The following ZXDA variants were observed in gnomAD, a reference collection of about 807,000 sequenced individuals.
ZXDA encodes zinc finger X-linked protein ZXDA.
In ZXDA, 5 loss-of-function variants were observed where a neutral mutation model predicts 10.1. The observed-to-expected ratio is 0.50, with a 90% CI of 0.26 to 1.04. The LOEUF (loss-of-function observed/expected upper bound fraction) is 1.04. ZXDA is among the 50% of genes least tolerant of loss of function. ZXDA has a pLI of 0.14. For missense variants in ZXDA, 501 were observed against 672.4 expected (o/e 0.75, Z 2.82); for synonymous variants, 266 against 313.1 (o/e 0.85, Z 1.59).
In ZXDA at chrX:57,909,671, G is replaced by A; in HGVS notation, c.750C>T (p.Ala250=). ...APQEEAEGLA[A]ALGPRGLLGS... is the part of the protein sequence containing the mutation. Reference sequence around the variant, plus strand: ...CCAGCAGTCCGCGGGGGCCCAGGGCGGCGGCCAGGCCCTCCGCCTCCTCCT... The same window carrying A: ...CCAGCAGTCCGCGGGGGCCCAGGGCAGCGGCCAGGCCCTCCGCCTCCTCCT... The change falls in exon 1 of 1, where the codon GCC becomes GCT. Residue 250 remains alanine, a synonymous_variant. Coordinates refer to ENST00000358697, the MANE Select transcript of ZXDA (RefSeq NM_007156.5). 1.7e-6 allele frequency: 2 copies of A among 1,180,029 alleles called. No individual in the cohort carries two copies. Among genetic ancestry groups the A allele is most frequent in the South Asian group, 1.9e-5 (1 of 53,761 alleles).
In ZXDA at chrX:57,909,853, C is replaced by T; in HGVS notation, c.568G>A (p.Ala190Thr). Reference sequence around the variant, plus strand: ...GCAGGAGCGGCCCCTGGCTCCCAGGCGTGTGGTGGGGGCGTGGCCAGGGTG... The same window carrying T: ...GCAGGAGCGGCCCCTGGCTCCCAGGTGTGTGGTGGGGGCGTGGCCAGGGTG... ...VLTLATPPPH[A>T]WEPGAAPAQQ... Residue 190 changes from alanine to threonine, a missense_variant, in exon 1 of 1, where the codon GCC becomes ACC. By Grantham distance (58) the Ala-to-Thr change is moderately conservative (BLOSUM62 0). Around this residue, in one of 5 missense-constraint regions of ZXDA, gnomAD observed 251 missense variants for 221.6 expected, o/e 1.13. Coordinates refer to ENST00000358697, the MANE Select transcript of ZXDA (RefSeq NM_007156.5). 1 of 1,200,631 alleles carries T rather than the reference C, an allele frequency of 8.3e-7. No individual in the cohort carries two copies. The highest frequency in any genetic ancestry group is 1.1e-6 in the Non-Finnish European group (1 of 891,743).
chrX:57,910,236 G>T lies in ZXDA; in HGVS notation c.185C>A (p.Ala62Asp). ...GCCAGGGCCCCGTGATGCCGTGCTG[G>T]CCTCCTCGCGCCGCCGCCCGGGCCC... ...DGGPGRRREE[A>D]STASRGPGPS... is the part of the protein sequence containing the mutation. Residue 62 changes from alanine (A) to aspartate (D), a missense_variant, in exon 1 of 1, where the codon GCC (alanine) becomes GAC (aspartate). This residue lies in a region of ZXDA where 251 missense variants were observed against 221.6 expected (regional missense o/e 1.13). Coordinates refer to ENST00000358697, the MANE Select transcript of ZXDA (RefSeq NM_007156.5). 1.7e-6 allele frequency: 2 copies of T among 1,146,401 alleles called. No individual in the cohort carries two copies. The highest frequency in any genetic ancestry group is 2.3e-6 in the Non-Finnish European group (2 of 869,379). 94.5% of individuals were successfully genotyped at this position (1,146,401 alleles called of 1,213,427 possible).
In ZXDA at chrX:57,910,057, C is replaced by A. The variant is rs770102607; in HGVS notation, c.364G>T (p.Gly122Trp). ...GCGCCGCTCTCGTCCCCCTGGAGCCCCGGGCCCGCCTTGGCCTCCTCCCTC... is the reference window on the plus strand; with the variant it reads ...GCGCCGCTCTCGTCCCCCTGGAGCCACGGGCCCGCCTTGGCCTCCTCCCTC... ...VLREEAKAGP[G>W]LQGDESGANP... Residue 122 changes from glycine (G) to tryptophan (W), a missense_variant, in exon 1 of 1, where the codon GGG becomes TGG. Around this residue, in one of 5 missense-constraint regions of ZXDA, gnomAD observed 251 missense variants for 221.6 expected, o/e 1.13. Transcript: ENST00000358697. 5.1e-6 allele frequency: 6 copies of A among 1,169,719 alleles called. No individual in the cohort carries two copies. Among genetic ancestry groups the A allele is most frequent in the Non-Finnish European group, 5.7e-6 (5 of 881,386 alleles).
rs372490627 is a variant in ZXDA at position 57,908,638 on chromosome X, G to T, written c.1783C>A (p.Gln595Lys). 1.5e-5 allele frequency: 18 copies of T among 1,206,238 alleles called. No homozygotes were observed. The African/African-American group carries it at 3.1e-4, about 20-fold the overall frequency. ...TPSSELTSQR[Q>K]NDLSDAEIVS... ...ATCTCTGCATCACTGAGATCATTCT[G>T]TCTCTGGCTGGTAAGTTCACTGCTG... The change falls in exon 1 of 1, where the codon CAG becomes AAG. Residue 595 changes from glutamine to lysine, a missense_variant. Physicochemically the swap from Gln to Lys is moderately conservative, Grantham distance 53 (BLOSUM62 1). Coordinates refer to ENST00000358697, the MANE Select transcript of ZXDA (RefSeq NM_007156.5).
chrX:57,907,612 C>T lies in ZXDA; in HGVS notation c.*409G>A, dbSNP rs1423747094. The stretch of plus-strand genomic sequence containing the variant: ...TCCATTAAATTTTTAATGTAAAACA[C>T]CAGTTCCTCAATCTTTCATTATTTA... On this transcript the variant is annotated 3_prime_UTR_variant, in exon 1 of 1. Coordinates refer to ENST00000358697, the MANE Select transcript of ZXDA (RefSeq NM_007156.5). The T allele has an allele frequency of 8.6e-6, 1 of 116,871 alleles. No homozygotes were observed. The highest frequency in any genetic ancestry group is 9.2e-5 in the Admixed American group (1 of 10,851). The allele number at this position is 116,871 out of a possible 1,213,427, so 9.6% of individuals were successfully genotyped here. A position where few individuals can be genotyped will look rare whatever the true frequency, so the allele number is the denominator to read the frequency against.
rs1345300095 is a variant in ZXDA, at chrX:57,908,276, T to C, written c.2145A>G (p.Pro715=). The change falls in exon 1 of 1, where the codon CCA becomes CCG. Residue 715 remains proline (P), a synonymous_variant. Coordinates refer to ENST00000358697, the MANE Select transcript of ZXDA (RefSeq NM_007156.5). ...LDSLAMKNSS[P]EPQALTPSSK... ...TGCTGGGTGTCAAAGCCTGAGGCTC[T>C]GGACTGGAGTTTTTCATGGCCAAAG... The C allele has an allele frequency of 8.3e-7, 1 of 1,205,383 alleles. No individual in the cohort carries two copies. Among genetic ancestry groups the C allele is most frequent in the Non-Finnish European group, 1.1e-6 (1 of 893,689 alleles).
Position 57,907,998 on chromosome X carries a change from G to A in ZXDA, c.*23C>T. ...TGACTGTAATAAAAGTTAGCCACATGGCAAGGAATGAATAGAGTTGCTTCA... is the reference window on the plus strand; with the variant it reads ...TGACTGTAATAAAAGTTAGCCACATAGCAAGGAATGAATAGAGTTGCTTCA... On this transcript the variant is annotated 3_prime_UTR_variant, in exon 1 of 1. Transcript: ENST00000358697. The A allele has an allele frequency of 8.5e-7, 1 of 1,181,829 alleles. No individual in the cohort carries two copies. Among genetic ancestry groups the A allele is most frequent in the Non-Finnish European group, 1.1e-6 (1 of 881,229 alleles).
In ZXDA at chrX:57,910,279, G is replaced by A; in HGVS notation, c.142C>T (p.Arg48Trp). The change falls in exon 1 of 1, where the codon CGG becomes TGG. Residue 48 changes from arginine (R) to tryptophan (W), a missense_variant. Arg to Trp is a moderately radical substitution (Grantham distance 101). Transcript: ENST00000358697. Reference protein sequence around the residue: ...QVPTRRLLLPRGPQDGGPGRR... With the variant: ...QVPTRRLLLPWGPQDGGPGRR... Reference sequence around the variant, plus strand: ...CCGGGCCCGCCATCTTGGGGGCCCCGGGGCAGCAGGAGGCGGCGCGTGGGG... The same window carrying A: ...CCGGGCCCGCCATCTTGGGGGCCCCAGGGCAGCAGGAGGCGGCGCGTGGGG... 8 of 1,077,248 alleles carry A rather than the reference G, an allele frequency of 7.4e-6. No homozygotes were observed. The highest frequency in any genetic ancestry group is 9.6e-6 in the Non-Finnish European group (8 of 837,236). 88.8% of individuals were successfully genotyped at this position (1,077,248 alleles called of 1,213,427 possible). A position where few individuals can be genotyped will look rare whatever the true frequency, so the allele number is the denominator to read the frequency against.
chrX:57,907,740 AAAACAAAACT>A lies in ZXDA; in HGVS notation c.*271_*280del, dbSNP rs1270168310. On this transcript the variant is annotated 3_prime_UTR_variant, in exon 1 of 1. Coordinates refer to ENST00000358697, the MANE Select transcript of ZXDA (RefSeq NM_007156.5). ...AAAGCACAAAATCACAAAACAAAAC[AAAACAAAACT>A]GAAAAGACCTTATGAGCAATGTGTT... The A allele has an allele frequency of 3.8e-6, 1 of 265,391 alleles. No individual in the cohort carries two copies. The highest frequency in any genetic ancestry group is 2.8e-5 in the African/African-American group (1 of 35,589). 21.9% of individuals were successfully genotyped at this position (265,391 alleles called of 1,213,427 possible).
chrX:57,909,707 A>G lies in ZXDA; in HGVS notation c.714T>C (p.Ala238=). The change falls in exon 1 of 1, where the codon GCT becomes GCC. Residue 238 remains alanine, a synonymous_variant. Coordinates refer to ENST00000358697, the MANE Select transcript of ZXDA (RefSeq NM_007156.5). ...CCTCCGCCTCCTCCTGGGGCGCCGG[A>G]GCAGGCGCGGGTTCTGCGGGCTCGG... ...LLAEPAEPAP[A]PAPQEEAEGL... 8.5e-7 allele frequency: 1 copy of G among 1,180,724 alleles called. No individual in the cohort carries two copies. Among genetic ancestry groups the G allele is most frequent in the Non-Finnish European group, 1.1e-6 (1 of 880,759 alleles).
At position 57,905,980 on chromosome X, in the gene ZXDA, T is replaced by C. The variant is rs1424264550; in HGVS notation, c.*2041A>G. Among the ~76,000 whole-genome samples, 2 of 112,314 alleles carry C rather than the reference T, an allele frequency of 1.8e-5. No homozygotes were observed. The highest frequency in any genetic ancestry group is 3.8e-5 in the Non-Finnish European group (2 of 53,191). On this transcript the variant is annotated 3_prime_UTR_variant, in exon 1 of 1. Coordinates refer to ENST00000358697, the MANE Select transcript of ZXDA (RefSeq NM_007156.5). ...AACTAATGACAACACATTTCTAAAA[T>C]GGCTTAAAATCTTTCTAAAATACTA...
In ZXDA at chrX:57,908,014, A is replaced by C; in HGVS notation, c.*7T>G. 1 of 1,202,872 alleles carries C rather than the reference A, an allele frequency of 8.3e-7. No homozygotes were observed. The highest frequency in any genetic ancestry group is 1.1e-6 in the Non-Finnish European group (1 of 891,267). On this transcript the variant is annotated 3_prime_UTR_variant, in exon 1 of 1. Transcript: ENST00000358697. Reference sequence around the variant, plus strand: ...TAGCCACATGGCAAGGAATGAATAGAGTTGCTTCATACCAAAAATGAGCTG... The same window carrying C: ...TAGCCACATGGCAAGGAATGAATAGCGTTGCTTCATACCAAAAATGAGCTG...
At position 57,909,362 on chromosome X, in the gene ZXDA, G is replaced by A. The variant is rs749797614; in HGVS notation, c.1059C>T (p.Gly353=). ...ATTTGAACGAGTTCTCCTGCTCATG[G>A]CCCTTCATGTGCGCCTTGAGGTTGT... ...TVYNLKAHMK[G]HEQENSFKCE... Residue 353 remains glycine, a synonymous_variant, in exon 1 of 1, where the codon GGC becomes GGT. Coordinates refer to ENST00000358697, the MANE Select transcript of ZXDA (RefSeq NM_007156.5). 201 of 1,210,322 alleles carry A rather than the reference G, an allele frequency of 1.7e-4. No individual in the cohort carries two copies. In the South Asian group the frequency reaches 2.8e-3, roughly 17 times the overall value.
Position 57,907,611 on chromosome X carries a change from A to G in ZXDA, c.*410T>C, listed in dbSNP as rs1301735772. 4 of 117,673 alleles carry G rather than the reference A, an allele frequency of 3.4e-5. No homozygotes were observed. The highest frequency in any genetic ancestry group is 1.3e-4 in the African/African-American group (4 of 30,934). 9.7% of individuals were successfully genotyped at this position (117,673 alleles called of 1,213,427 possible). A position where few individuals can be genotyped will look rare whatever the true frequency, so the allele number is the denominator to read the frequency against. On this transcript the variant is annotated 3_prime_UTR_variant, in exon 1 of 1. Coordinates refer to ENST00000358697, the MANE Select transcript of ZXDA (RefSeq NM_007156.5). ...TTCCATTAAATTTTTAATGTAAAAC[A>G]CCAGTTCCTCAATCTTTCATTATTT...
In ZXDA at chrX:57,908,851, G is replaced by A. The variant is rs770190043; in HGVS notation, c.1570C>T (p.Arg524Cys). The change falls in exon 1 of 1, where the codon CGC (arginine) becomes TGC (cysteine). Residue 524 changes from arginine to cysteine, a missense_variant. By Grantham distance (180) the Arg-to-Cys change is radical (BLOSUM62 -3). Transcript: ENST00000358697. ...VAGCCARFSA[R>C]SSLYIHSKKH... ...TTGGAGTGAATGTAGAGGCTACTGCGAGCAGAGAACCTGGCACAGCAGCCT... is the reference window on the plus strand; with the variant it reads ...TTGGAGTGAATGTAGAGGCTACTGCAAGCAGAGAACCTGGCACAGCAGCCT... The A allele has an allele frequency of 4.1e-6, 5 of 1,210,361 alleles. No homozygotes were observed. Among genetic ancestry groups the A allele is most frequent in the Non-Finnish European group, 4.5e-6 (4 of 895,003 alleles).
rs1240499826 is a variant in ZXDA at position 57,909,250 on chromosome X, A to G, written c.1171T>C (p.Cys391Arg). ...GTCTTCTTGCAGCCAGAAAACGCGC[A>G]CTGGTAAGGCCTCTCGGGTTCGAAG... ...SHFEPERPYQCAFSGCKKTFI... is the reference protein window; with the variant it reads ...SHFEPERPYQRAFSGCKKTFI... The change falls in exon 1 of 1, where the codon TGC becomes CGC. Residue 391 changes from cysteine to arginine, a missense_variant. Physicochemically the swap from Cys to Arg is radical, Grantham distance 180. Coordinates refer to ENST00000358697, the MANE Select transcript of ZXDA (RefSeq NM_007156.5). The G allele has an allele frequency of 8.2e-7, 1 of 1,212,167 alleles. No homozygotes were observed. The highest frequency in any genetic ancestry group is 2.2e-5 in the Admixed American group (1 of 46,112).
At position 57,910,189 on chromosome X, in the gene ZXDA, G is replaced by T. The variant is rs139794208; in HGVS notation, c.232C>A (p.Pro78Thr). The T allele has an allele frequency of 1.0e-3, 1,211 of 1,197,934 alleles. 4 individuals carry two copies. Among genetic ancestry groups the T allele is most frequent in the South Asian group, 2.9e-3 (162 of 56,240 alleles). The change falls in exon 1 of 1, where the codon CCC (proline) becomes ACC (threonine). Residue 78 changes from proline to threonine, a missense_variant. By Grantham distance (38) the Pro-to-Thr change is conservative. Coordinates refer to ENST00000358697, the MANE Select transcript of ZXDA (RefSeq NM_007156.5). ...TCGCCGCCGCCGCTAGGTTGATGGG[G>T]CCTCGGCGCGAACAGGCTTGGGCCA... ...GPGPSLFAPR[P>T]HQPSGGGDDF...
rs1165904731 is a variant in ZXDA, at chrX:57,909,653, T to A, written c.768A>T (p.Gly256=). 2.5e-6 allele frequency: 3 copies of A among 1,187,909 alleles called. No individual in the cohort carries two copies. The highest frequency in any genetic ancestry group is 3.5e-5 in the African/African-American group (2 of 57,182). ...CCACGCCTGGACCAGAGCCCAGCAGTCCGCGGGGGCCCAGGGCGGCGGCCA... is the reference window on the plus strand; with the variant it reads ...CCACGCCTGGACCAGAGCCCAGCAGACCGCGGGGGCCCAGGGCGGCGGCCA... ...EGLAAALGPR[G]LLGSGPGVVL... is the part of the protein sequence containing the mutation. The change falls in exon 1 of 1, where the codon GGA becomes GGT. Residue 256 remains glycine (G), a synonymous_variant. Transcript: ENST00000358697.
Position 57,909,628 on chromosome X carries a change from C to A in ZXDA, c.793G>T (p.Val265Leu). The A allele has an allele frequency of 8.3e-7, 1 of 1,199,591 alleles. No homozygotes were observed. The highest frequency in any genetic ancestry group is 1.1e-6 in the Non-Finnish European group (1 of 889,953). The change falls in exon 1 of 1, where the codon GTG becomes TTG. Residue 265 changes from valine to leucine, a missense_variant. Transcript: ENST00000358697. ...AGCGCCTCGGGGCACAGGTACAGCA[C>A]CACGCCTGGACCAGAGCCCAGCAGT... ...RGLLGSGPGV[V>L]LYLCPEALCG... is the part of the protein sequence containing the mutation.
Sources: gnomAD v4.1 joint callset for allele counts (sites outside exome capture counted in the v4.1 genomes callset) on GRCh38, gnomAD v4.1.1 for gene constraint, gnomAD v4.1.1 regional missense constraint, MANE v1.5 for transcripts, NCBI Gene and HGNC (gene_info 2026-07-23, HGNC 2026-07-21) for gene names.